The following OSBPL6 variants were observed in gnomAD, a reference collection of about 807,000 sequenced individuals.
OSBPL6 encodes oxysterol binding protein like 6.
OSBPL6 carries 49 observed loss-of-function variants against 125.8 expected under a neutral mutation model. That is an observed-to-expected ratio of 0.39 (90% CI 0.31 to 0.49). The LOEUF (loss-of-function observed/expected upper bound fraction) is 0.49, where lower values mean the gene tolerates loss of function less well. Ranked by LOEUF, OSBPL6 falls within the 20% of genes least tolerant of loss-of-function variation. The pLI is 0.88. For missense variants in OSBPL6, 986 were observed against 1,135.4 expected, an observed-to-expected ratio of 0.87 and a Z score of 1.89; for synonymous variants, 394 against 391.8, an observed-to-expected ratio of 1.01 and a Z score of -0.07.
chr2:178,235,975 G>T (rs1460023013), intron 1 of OSBPL6, among the ~76,000 whole-genome samples: 1 of 152,152 alleles, frequency 6.6e-6, no homozygotes, highest in Non-Finnish European at 1.5e-5. Flanking sequence ...AGGTACATGT[G>T]CAGGCTTGTT....
chr2:178,213,486 T>C lies in OSBPL6; in HGVS notation c.-351+18812T>C, dbSNP rs1440466731. 3.3e-5 allele frequency among the ~76,000 whole-genome samples: 5 copies of C among 152,082 alleles called. No homozygotes were observed. In the East Asian group the frequency reaches 9.7e-4, roughly 30 times the overall value. On this transcript the variant is annotated intron_variant, in intron 1 of 24. Transcript: ENST00000190611. ...CTTGTTGATTCTACCGCTAACCATG[T>C]GTCTCCATCCTCATCACCCTGCCCT... is the stretch of plus-strand genomic sequence containing the variant.
At chr2:178,252,617 G>A (rs1402467274) in intron 1 of OSBPL6, among the ~76,000 whole-genome samples, 2 of 152,074 alleles carry the variant, frequency 1.3e-5, no homozygotes, top group Non-Finnish European at 2.9e-5. Context: ...AAACATATAT[G>A]ATTGTATCAG....
intron 2 of OSBPL6, among the ~76,000 whole-genome samples, chr2:178,300,192 A>G (rs1416782383): frequency 1.3e-5 from 2 of 152,174 alleles, no homozygotes; most frequent in African/African-American, 2.4e-5. Context: ...TTTTCTTACA[A>G]TTTGTCCTCA....
intron 1 of OSBPL6, among the ~76,000 whole-genome samples, chr2:178,201,257 T>C (rs1301116112): frequency 6.6e-6 from 1 of 152,198 alleles, no homozygotes; most frequent in East Asian, 1.9e-4. Context: ...TTTGTAGGCA[T>C]CTGATTTTCA....
At chr2:178,290,044 A>ACC (rs1685096462) in intron 2 of OSBPL6, among the ~76,000 whole-genome samples, 1 of 152,046 alleles carries the variant, frequency 6.6e-6, no homozygotes, top group African/African-American at 2.4e-5. Flanking sequence ...TTCTAAAGTT[A>ACC]CCCCATCCGT....
intron 1 of OSBPL6, among the ~76,000 whole-genome samples, chr2:178,276,555 T>C (rs1432580619): frequency 2.0e-5 from 3 of 151,986 alleles, no homozygotes; most frequent in Non-Finnish European, 4.4e-5. Context: ...GTATTTTTAG[T>C]AGAGACAAGG....
intron 13 of OSBPL6, 60 bp from the exon 14 acceptor site, chr2:178,372,066 G>C: frequency 7.8e-7 from 1 of 1,280,398 alleles, no homozygotes; most frequent in Admixed American, 1.8e-5. Flanking sequence ...CTGTGTACTT[G>C]TTCTGTTTTA....
chr2:178,242,531 C>A (rs1389989728), intron 1 of OSBPL6, among the ~76,000 whole-genome samples: 1 of 152,158 alleles, frequency 6.6e-6, no homozygotes, highest in Non-Finnish European at 1.5e-5. Context: ...GTGTGGCGAG[C>A]CTGCTTCTGC....
intron 1 of OSBPL6, among the ~76,000 whole-genome samples, chr2:178,199,982 A>G (rs1186293344): frequency 6.6e-6 from 1 of 152,174 alleles, no homozygotes; most frequent in African/African-American, 2.4e-5. Context: ...TCTGTGTAAG[A>G]AATATTTTAA....
chr2:178,230,406 T>A (rs2090767574), intron 1 of OSBPL6: 1 of 152,242 alleles, frequency 6.6e-6, no homozygotes, highest in Non-Finnish European at 1.5e-5. Context: ...GACCTTAACC[T>A]TGATTTTATT....
chr2:178,256,311 C>G (rs2091886490), intron 1 of OSBPL6, among the ~76,000 whole-genome samples: 1 of 152,194 alleles, frequency 6.6e-6, no homozygotes, highest in African/African-American at 2.4e-5. Context: ...GAAGATTTTG[C>G]TAACAGGGTG....
intron 1 of OSBPL6, among the ~76,000 whole-genome samples, chr2:178,280,768 G>A (rs541205406): frequency 6.6e-6 from 1 of 152,264 alleles, no homozygotes; most frequent in South Asian, 2.1e-4. Context: ...CTTTTGAGAA[G>A]TGTCTATTCA....
chr2:178,212,189 C>T (rs2089892528), intron 1 of OSBPL6, among the ~76,000 whole-genome samples: 1 of 152,088 alleles, frequency 6.6e-6, no homozygotes, highest in Non-Finnish European at 1.5e-5. Context: ...GTAGAGGTTT[C>T]CCTGACATAC....
At chr2:178,318,789 A>G (rs1229368864) in intron 3 of OSBPL6, among the ~76,000 whole-genome samples, 1 of 152,194 alleles carries the variant, frequency 6.6e-6, no homozygotes, top group Non-Finnish European at 1.5e-5. Context: ...CCTCACTTCC[A>G]AAAGGGCTCC....
At chr2:178,345,661 T>C (rs1690629245) in intron 11 of OSBPL6, among the ~76,000 whole-genome samples, 3 of 152,222 alleles carry the variant, frequency 2.0e-5, no homozygotes, top group African/African-American at 7.2e-5. Context: ...TTATTAAAGG[T>C]AATTTTCCAT....
chr2:178,380,444 AAG>A (rs1336216202), intron 15 of OSBPL6, among the ~76,000 whole-genome samples: 10 of 137,066 alleles, frequency 7.3e-5, no homozygotes, highest in Non-Finnish European at 1.4e-4. Flanking sequence ...GCAGCAGAGT[AAG>A]AGTCTGTCTC....
chr2:178,294,530 G>A (rs1685558347), intron 2 of OSBPL6, among the ~76,000 whole-genome samples: 1 of 152,228 alleles, frequency 6.6e-6, no homozygotes, highest in African/African-American at 2.4e-5. Context: ...GCTAAGAGCA[G>A]GTTGTTGCAT....
chr2:178,233,476 C>T (rs2090920993), intron 1 of OSBPL6, among the ~76,000 whole-genome samples: 1 of 152,180 alleles, frequency 6.6e-6, no homozygotes, highest in Admixed American at 6.5e-5. Flanking sequence ...GGCAGTTCTG[C>T]TTTCAATGCT....
chr2:178,386,995 A>T, intron 19 of OSBPL6, 66 bp from the exon 20 acceptor site: 1 of 1,041,956 alleles, frequency 9.6e-7, no homozygotes, highest in Admixed American at 2.2e-5. Flanking sequence ...TACAAAAGTT[A>T]GTTTTTATAG....
Sources: gnomAD v4.1 joint callset for allele counts (sites outside exome capture counted in the v4.1 genomes callset) on GRCh38, gnomAD v4.1.1 for gene constraint, MANE v1.5 for transcripts, NCBI Gene and HGNC (gene_info 2026-07-23, HGNC 2026-07-21) for gene names.